Variants in MEF2B observed in about 807,000 individuals in gnomAD.
MEF2B encodes the protein myocyte enhancer factor 2B, also known as myocyte-specific enhancer factor 2B.
A neutral mutation model predicts 32.2 loss-of-function variants in MEF2B; 15 were observed. That is an observed-to-expected ratio of 0.47 (90% CI 0.31 to 0.72). The LOEUF is 0.72. Ranked by LOEUF, MEF2B falls within the 30% of genes least tolerant of loss-of-function variation. The pLI is 0.05. For missense variants in MEF2B, 441 were observed against 511.5 expected, an observed-to-expected ratio of 0.86 and a Z score of 1.33; for synonymous variants, 205 against 225.6, an observed-to-expected ratio of 0.91 and a Z score of 0.82.
chr19:19,167,759 A>G (rs1377333691), intron 1 of MEF2B, among the ~76,000 whole-genome samples: 1 of 152,210 alleles, frequency 6.6e-6, no homozygotes, highest in Non-Finnish European at 1.5e-5. Flanking sequence ...AGGAGCTGCC[A>G]CAAAGTTCAG....
At chr19:19,160,685 C>T (rs932033842) in intron 1 of MEF2B, among the ~76,000 whole-genome samples, 6 of 151,854 alleles carry the variant, frequency 4.0e-5, no homozygotes, top group Admixed American at 1.3e-4. Context: ...GGCGCTGCTC[C>T]CGGCCCCTGC....
intron 1 of MEF2B, among the ~76,000 whole-genome samples, chr19:19,151,140 G>T (rs1178271800): frequency 2.6e-5 from 4 of 152,150 alleles, no homozygotes; most frequent in Non-Finnish European, 5.9e-5. Flanking sequence ...ATAGTCCCAG[G>T]TACTCCGGTG....
intron 2 of MEF2B, among the ~76,000 whole-genome samples, chr19:19,150,271 T>C (rs945878999): frequency 5.5e-4 from 84 of 151,398 alleles, no homozygotes; most frequent in African/African-American, 2.0e-3. Context: ...GGCTCACGCC[T>C]GTAATCCCAG....
intron 3 of MEF2B, 135 bp from the exon 4 acceptor site, chr19:19,147,967 C>G: frequency 7.1e-7 from 1 of 1,409,402 alleles, no homozygotes; most frequent in Non-Finnish European, 9.3e-7. Context: ...CCTGCTCTAG[C>G]CAAACCCCAC....
chr19:19,149,560 C>T, intron 2 of MEF2B, 131 bp from the exon 3 acceptor site: 2 of 1,271,336 alleles, frequency 1.6e-6, no homozygotes, highest in African/African-American at 1.5e-5. Flanking sequence ...GCTGGTAATT[C>T]TCATGTCACA....
intron 1 of MEF2B, among the ~76,000 whole-genome samples, chr19:19,168,268 C>CT (rs1050853160): frequency 0.015 from 1,521 of 98,964 alleles, 23 homozygotes; most frequent in African/African-American, 0.037. Context: ...TTTCTTTCTT[C>CT]TTTTTTTTTT....
At chr19:19,150,190 A>AGGAG (rs1338145563) in intron 2 of MEF2B, among the ~76,000 whole-genome samples, 2 of 128,080 alleles carry the variant, frequency 1.6e-5, no homozygotes, top group Non-Finnish European at 3.3e-5. Context: ...GAGGGAAGGA[A>AGGAG]GGAAGGAAGG....
intron 1 of MEF2B, among the ~76,000 whole-genome samples, chr19:19,167,101 A>G (rs1350814459): frequency 6.6e-6 from 1 of 151,864 alleles, no homozygotes; most frequent in Non-Finnish European, 1.5e-5. Context: ...CTGTAATCCC[A>G]GGACTTTGGG....
At chr19:19,167,308 G>A (rs2060216313) in intron 1 of MEF2B, among the ~76,000 whole-genome samples, 1 of 148,224 alleles carries the variant, frequency 6.7e-6, no homozygotes, top group African/African-American at 2.5e-5. Context: ...CCGAGATTGT[G>A]CCACTGCACT....
At position 19,146,339 on chromosome 19, in the gene MEF2B, G is replaced by C; in HGVS notation, c.815C>G (p.Pro272Arg). 3 of 1,217,368 alleles carry C rather than the reference G, an allele frequency of 2.5e-6. No homozygotes were observed. The highest frequency in any genetic ancestry group is 3.2e-6 in the Non-Finnish European group (3 of 924,348). The allele number at this position is 1,217,368 out of a possible 1,614,324, so 75.4% of individuals were successfully genotyped here. Reference sequence around the variant, plus strand: ...GGGCTGCCAGGGGGCCAGGGTGGGGGGCTGCAACAAGCCAGGGGGCGGTGG... The same window carrying C: ...GGGCTGCCAGGGGGCCAGGGTGGGGCGCTGCAACAAGCCAGGGGGCGGTGG... ...DPPPPPGLLQPPTLAPWQPSR... is the reference protein window; with the variant it reads ...DPPPPPGLLQRPTLAPWQPSR... The change falls in exon 8 of 9, where the codon CCC becomes CGC. Residue 272 changes from proline to arginine, a missense_variant. Around this residue, in one of 2 missense-constraint regions of MEF2B, gnomAD observed 326 missense variants for 328.4 expected, o/e 0.99. Coordinates refer to ENST00000424583, the MANE Select transcript of MEF2B (RefSeq NM_001145785.2).
At chr19:19,149,512 C>T (rs1405693402) in intron 2 of MEF2B, 83 bp from the exon 3 acceptor site, 1 of 1,553,710 alleles carries the variant, frequency 6.4e-7, no homozygotes, top group East Asian at 2.3e-5. Context: ...CAGGGCCTAA[C>T]CCTTCCTCGA....
At chr19:19,153,132 G>A (rs2060096699) in intron 1 of MEF2B, among the ~76,000 whole-genome samples, 2 of 152,184 alleles carry the variant, frequency 1.3e-5, no homozygotes, top group Admixed American at 1.3e-4. Flanking sequence ...GGTCCCACGA[G>A]AGCAGCAGCA....
At chr19:19,158,092 CTTT>C (rs113158341) in intron 1 of MEF2B, among the ~76,000 whole-genome samples, 1 of 144,482 alleles carries the variant, frequency 6.9e-6, no homozygotes, top group Non-Finnish European at 1.5e-5. Context: ...AGGAAGATTT[CTTT>C]TTTTTTTTTT....
At chr19:19,154,166 A>G (rs939158551) in intron 1 of MEF2B, among the ~76,000 whole-genome samples, 9 of 151,526 alleles carry the variant, frequency 5.9e-5, no homozygotes, top group Non-Finnish European at 2.9e-5. Context: ...TTTATTTTTA[A>G]TATATATATA....
At chr19:19,155,166 T>C (rs898178108) in intron 1 of MEF2B, among the ~76,000 whole-genome samples, 1 of 152,204 alleles carries the variant, frequency 6.6e-6, no homozygotes, top group African/African-American at 2.4e-5. Context: ...GGCTCCCCAC[T>C]GCCCTTATGA....
intron 3 of MEF2B, 111 bp downstream of exon 3, chr19:19,149,115 C>G: frequency 7.2e-7 from 1 of 1,385,358 alleles, no homozygotes; most frequent in East Asian, 2.5e-5. Context: ...AGCACGTCAG[C>G]CACAAAGCCA....
intron 1 of MEF2B, among the ~76,000 whole-genome samples, chr19:19,163,532 C>T (rs2060183053): frequency 6.6e-6 from 1 of 152,176 alleles, no homozygotes; most frequent in African/African-American, 2.4e-5. Context: ...ATGAGCATCT[C>T]GCCCTGCCGG....
At chr19:19,162,229 C>A (rs183523285) in intron 1 of MEF2B, among the ~76,000 whole-genome samples, 143 of 152,236 alleles carry the variant, frequency 9.4e-4, no homozygotes, top group African/African-American at 3.3e-3. Context: ...AGCATTCCTC[C>A]CACCTCAGAT....
chr19:19,156,055 G>A (rs1458070541), intron 1 of MEF2B, among the ~76,000 whole-genome samples: 2 of 152,170 alleles, frequency 1.3e-5, no homozygotes, highest in Non-Finnish European at 2.9e-5. Context: ...GGCTGGATGG[G>A]AGCCTGAGTA....
Sources: gnomAD v4.1 joint callset for allele counts (sites outside exome capture counted in the v4.1 genomes callset) on GRCh38, gnomAD v4.1.1 for gene constraint, gnomAD v4.1.1 regional missense constraint, MANE v1.5 for transcripts, NCBI Gene and HGNC (gene_info 2026-07-23, HGNC 2026-07-21) for gene names.